The following EIF3H variants were observed in gnomAD, a reference collection of about 807,000 sequenced individuals.
EIF3H encodes the protein eukaryotic translation initiation factor 3 subunit H, also known as eIF-3-gamma.
A neutral mutation model predicts 44.2 loss-of-function variants in EIF3H; 26 were observed. The observed-to-expected ratio is 0.59, with a 90% CI of 0.43 to 0.82. The LOEUF (loss-of-function observed/expected upper bound fraction) is 0.82, where lower values mean the gene tolerates loss of function less well. EIF3H is among the 40% of genes least tolerant of loss of function. The pLI is 0.00. For synonymous variants in EIF3H, 166 were observed against 151.9 expected, an observed-to-expected ratio of 1.09 and a Z score of -0.68; for missense variants, 359 against 432.8, an observed-to-expected ratio of 0.83 and a Z score of 1.51.
chr8:116,761,427 G>A (rs182226882), intron 1 of EIF3H, among the ~76,000 whole-genome samples: 1 of 152,244 alleles, frequency 6.6e-6, no homozygotes, highest in East Asian at 1.9e-4. Context: ...CAAGAGAATC[G>A]CGTGAACCCG....
chr8:116,742,210 C>A (rs2130962271), intron 1 of EIF3H, among the ~76,000 whole-genome samples: 1 of 152,258 alleles, frequency 6.6e-6, no homozygotes, highest in Middle Eastern at 3.4e-3. Context: ...TTGCTATTCT[C>A]TTGGATCTAA....
rs1175383468 is a variant in EIF3H at position 116,751,191 on chromosome 8, G to A, written c.132+4475C>T. Reference sequence around the variant, plus strand: ...TGCGCCACTGCACTCCAGCCTGGGCGACAGAGCGAGACTCCGTCTCAAAAA... The same window carrying A: ...TGCGCCACTGCACTCCAGCCTGGGCAACAGAGCGAGACTCCGTCTCAAAAA... On this transcript the variant is annotated intron_variant, in intron 1 of 7. Transcript: ENST00000521861. Among the ~76,000 whole-genome samples, 14 of 149,332 alleles carry A rather than the reference G, an allele frequency of 9.4e-5. No individual in the cohort carries two copies. The South Asian group carries it at 1.9e-3, about 20-fold the overall frequency.
chr8:116,737,297 A>G (rs1367520069), intron 1 of EIF3H: 6 of 261,362 alleles, frequency 2.3e-5, no homozygotes, highest in African/African-American at 2.2e-4. Context: ...CCTGGGGAAG[A>G]AAAAAAAAAG....
chr8:116,687,609 A>C (rs1814098556), intron 2 of EIF3H, among the ~76,000 whole-genome samples: 1 of 152,174 alleles, frequency 6.6e-6, no homozygotes, highest in African/African-American at 2.4e-5. Flanking sequence ...GTCAGGAAAC[A>C]TTTGTTTAAT....
Position 116,719,735 on chromosome 8 carries a change from T to C in EIF3H, c.289+6281A>G, listed in dbSNP as rs1444363410. ...GAACCTAAAATTTAAATCTATCACA[T>C]GAGGTTATGAAAAACTAAAGAAGAC... is the stretch of plus-strand genomic sequence containing the variant. On this transcript the variant is annotated intron_variant, in intron 2 of 7. Transcript: ENST00000521861. Among the ~76,000 whole-genome samples the C allele has an allele frequency of 2.0e-5, 3 of 152,292 alleles. No homozygotes were observed. In the South Asian group the frequency reaches 6.2e-4, roughly 32 times the overall value.
chr8:116,669,325 T>C (rs1460655092), intron 2 of EIF3H, among the ~76,000 whole-genome samples: 1 of 152,192 alleles, frequency 6.6e-6, no homozygotes, highest in Non-Finnish European at 1.5e-5. Flanking sequence ...TTGTACCATA[T>C]AAGTTTCTAT....
At chr8:116,680,254 C>T (rs201357298) in intron 2 of EIF3H, among the ~76,000 whole-genome samples, 947 of 39,556 alleles carry the variant, frequency 0.024, 26 homozygotes, top group East Asian at 0.074. Context: ...AGGTGAGGGG[C>T]GCTTCTGCCC....
chr8:116,735,514 A>G, intron 1 of EIF3H, among the ~76,000 whole-genome samples: 1 of 152,136 alleles, frequency 6.6e-6, no homozygotes, highest in East Asian at 1.9e-4. Flanking sequence ...AACCCAAACC[A>G]CCAAATGCAG....
chr8:116,698,686 G>A (rs1814313829), intron 2 of EIF3H, among the ~76,000 whole-genome samples: 1 of 152,174 alleles, frequency 6.6e-6, no homozygotes, highest in South Asian at 2.1e-4. Flanking sequence ...CCTTGCCCAT[G>A]CCATAGCCTC....
At chr8:116,656,040 G>T in intron 4 of EIF3H, 35 bp from the exon 5 acceptor site, 1 of 1,604,580 alleles carries the variant, frequency 6.2e-7, no homozygotes. Flanking sequence ...TAGTCTGATG[G>T]TCAAAAGTAA....
rs1392833317 is a variant in EIF3H at position 116,658,874 on chromosome 8, T to A, written c.396A>T (p.Ala132=). The A allele has an allele frequency of 1.2e-6, 2 of 1,613,810 alleles. No homozygotes were observed. Among genetic ancestry groups the A allele is most frequent in the South Asian group, 1.1e-5 (1 of 91,070 alleles). The change falls in exon 3 of 8, where the codon GCA becomes GCT. Residue 132 remains alanine, a synonymous_variant. Coordinates refer to ENST00000521861, the MANE Select transcript of EIF3H (RefSeq NM_003756.3). The part of the protein sequence containing the change: ...STYYGSFVTR[A]LLDSQFSYQH... ...GGTAACTAAACTGAGAGTCCAGGAG[T>A]GCCCGGGTAACGAATGAGCCATAGT...
At chr8:116,748,439 A>T (rs985170387) in intron 1 of EIF3H, among the ~76,000 whole-genome samples, 1 of 152,252 alleles carries the variant, frequency 6.6e-6, no homozygotes, top group African/African-American at 2.4e-5. Context: ...AGATGGAGAA[A>T]TATGAACAAG....
chr8:116,650,858 G>A (rs967522368), intron 5 of EIF3H, among the ~76,000 whole-genome samples: 55 of 152,222 alleles, frequency 3.6e-4, no homozygotes, highest in African/African-American at 1.1e-3. Flanking sequence ...CAGAACTCCT[G>A]ACCTCAAGAG....
At chr8:116,705,236 AT>A (rs994643392) in intron 2 of EIF3H, among the ~76,000 whole-genome samples, 50 of 152,336 alleles carry the variant, frequency 3.3e-4, no homozygotes, top group African/African-American at 1.0e-3. Flanking sequence ...CACAGAATAT[AT>A]TTATACATTT....
intron 2 of EIF3H, among the ~76,000 whole-genome samples, chr8:116,678,056 A>T (rs925643872): frequency 9.2e-5 from 14 of 151,872 alleles, no homozygotes; most frequent in Non-Finnish European, 2.1e-4. Context: ...GCTGGACGGT[A>T]CTGCTGCCAT....
intron 2 of EIF3H, among the ~76,000 whole-genome samples, chr8:116,674,649 A>G (rs1033394659): frequency 1.3e-5 from 2 of 152,250 alleles, no homozygotes; most frequent in African/African-American, 4.8e-5. Flanking sequence ...AGTAATGTGC[A>G]CAATTAAAAT....
chr8:116,643,527 TACCA>T lies in EIF3H; in HGVS notation c.*1475_*1478del, dbSNP rs1048102529. ...AAATACAGGCTGAGTGGCTGCCACA[TACCA>T]ACCAGAGTTTGCATGCTTCACCCAA... On this transcript the variant is annotated 3_prime_UTR_variant, in exon 8 of 8. Transcript: ENST00000521861. 3.9e-5 allele frequency: 6 copies of T among 152,278 alleles called. No homozygotes were observed. Among genetic ancestry groups the T allele is most frequent in the African/African-American group, 1.4e-4 (6 of 41,558 alleles). The allele number at this position is 152,278 out of a possible 1,614,324, so 9.4% of individuals were successfully genotyped here. A position where few individuals can be genotyped will look rare whatever the true frequency, so the allele number is the denominator to read the frequency against.
chr8:116,650,816 T>G (rs570241931), intron 5 of EIF3H, among the ~76,000 whole-genome samples: 1 of 152,214 alleles, frequency 6.6e-6, no homozygotes, highest in East Asian at 1.9e-4. Flanking sequence ...CTGGCTGGAT[T>G]TTTTGTATTT....
At chr8:116,697,356 G>A (rs1814286788) in intron 2 of EIF3H, 1 of 367,662 alleles carries the variant, frequency 2.7e-6, no homozygotes, top group Admixed American at 3.5e-5. Context: ...AACTATTGCT[G>A]CTTTCACCAA....
Sources: gnomAD v4.1 joint callset for allele counts (sites outside exome capture counted in the v4.1 genomes callset) on GRCh38, gnomAD v4.1.1 for gene constraint, MANE v1.5 for transcripts, NCBI Gene and HGNC (gene_info 2026-07-23, HGNC 2026-07-21) for gene names.